ZBTB40: variants seen among roughly 807,000 people sequenced by gnomAD.
The protein encoded by ZBTB40 is zinc finger and BTB domain containing 40, also known as zinc finger and BTB domain-containing protein 40.
ZBTB40 carries 60 observed loss-of-function variants against 117.5 expected under a neutral mutation model. That is an observed-to-expected ratio of 0.51 (90% CI 0.41 to 0.63). The LOEUF (loss-of-function observed/expected upper bound fraction) is 0.63, where lower values mean the gene tolerates loss of function less well. ZBTB40 is among the 30% of genes least tolerant of loss of function. The pLI, the probability that ZBTB40 is intolerant of heterozygous loss-of-function variation, is 0.00. For synonymous variants in ZBTB40, 525 were observed against 577.1 expected (o/e 0.91, Z 1.29); for missense variants, 1,287 against 1,498.5 (o/e 0.86, Z 2.33).
chr1:22,439,570 AC>A (rs770900764), intron 1 of ZBTB40, among the ~76,000 whole-genome samples: 4 of 152,208 alleles, frequency 2.6e-5, no homozygotes, highest in Admixed American at 6.5e-5. Flanking sequence ...TTTTCCCAGC[AC>A]CATTTGCTGA....
chr1:22,432,320 A>C (rs982681132), intron 1 of ZBTB40, among the ~76,000 whole-genome samples: 1 of 152,114 alleles, frequency 6.6e-6, no homozygotes, highest in African/African-American at 2.4e-5. Context: ...CTGCATCTCA[A>C]CCTTGGGGTG....
chr1:22,450,640 A>G (rs1349729336), upstream of ZBTB40, among the ~76,000 whole-genome samples: 2 of 152,192 alleles, frequency 1.3e-5, no homozygotes, highest in Non-Finnish European at 2.9e-5. Context: ...TGCTATTTTG[A>G]ACAGAACCGT....
intron 1 of ZBTB40, among the ~76,000 whole-genome samples, chr1:22,455,689 T>C (rs934175631): frequency 2.6e-5 from 4 of 152,170 alleles, no homozygotes; most frequent in Non-Finnish European, 5.9e-5. Flanking sequence ...AGTATGAAAC[T>C]GCAAGAAGAG....
intron 14 of ZBTB40, 49 bp downstream of exon 14, chr1:22,520,324 C>G (rs1401339524): frequency 1.2e-5 from 18 of 1,500,476 alleles, no homozygotes; most frequent in Non-Finnish European, 1.7e-5. Flanking sequence ...CTGACCTACT[C>G]TCCATTTGAT....
chr1:22,484,056 C>A (rs1385452664), intron 1 of ZBTB40, among the ~76,000 whole-genome samples: 2 of 152,138 alleles, frequency 1.3e-5, no homozygotes, highest in Non-Finnish European at 2.9e-5. Context: ...GATGAATTGA[C>A]TATATTTGTG....
Position 22,513,154 on chromosome 1 carries a change from C to A in ZBTB40, c.2668+24C>A, listed in dbSNP as rs1466790132. On this transcript the variant is annotated intron_variant, in intron 12 of 17. Coordinates refer to ENST00000375647, the MANE Select transcript of ZBTB40 (RefSeq NM_014870.4). This position sits in a 1 kb window ranked among gnomAD's most constrained non-coding sequence, Gnocchi z 4.9. ...AGGTAAGGCGGGGCACAGTTCATTTCTCCTGCAGACTTTCACTGCGAACTG... is the reference window on the plus strand; with the variant it reads ...AGGTAAGGCGGGGCACAGTTCATTTATCCTGCAGACTTTCACTGCGAACTG... 1 of 1,609,080 alleles carries A rather than the reference C, an allele frequency of 6.2e-7. No individual in the cohort carries two copies. Among genetic ancestry groups the A allele is most frequent in the Non-Finnish European group, 8.5e-7 (1 of 1,177,500 alleles).
chr1:22,518,828 C>T (rs1639444329), intron 13 of ZBTB40, among the ~76,000 whole-genome samples: 1 of 152,162 alleles, frequency 6.6e-6, no homozygotes, highest in Non-Finnish European at 1.5e-5. Flanking sequence ...ATTTTGATGT[C>T]CTCTTGACCT....
chr1:22,461,803 G>A (rs1641140245), intron 1 of ZBTB40, among the ~76,000 whole-genome samples: 1 of 152,208 alleles, frequency 6.6e-6, no homozygotes, highest in Non-Finnish European at 1.5e-5. Flanking sequence ...CTCCTTGAGA[G>A]CAGGGATTAT....
intron 9 of ZBTB40, among the ~76,000 whole-genome samples, chr1:22,510,909 T>C (rs1639214505): frequency 6.6e-6 from 1 of 152,210 alleles, no homozygotes; most frequent in African/African-American, 2.4e-5. Flanking sequence ...CTATTTCTTA[T>C]AGAAAATGCT....
chr1:22,497,319 A>G (rs148219657), intron 3 of ZBTB40, among the ~76,000 whole-genome samples: 3 of 152,198 alleles, frequency 2.0e-5, no homozygotes, highest in African/African-American at 7.2e-5. Context: ...CTCTTCTCCT[A>G]TGTGAATCTG....
intron 1 of ZBTB40, among the ~76,000 whole-genome samples, chr1:22,488,697 T>C (rs1557501096): frequency 6.6e-6 from 1 of 152,214 alleles, no homozygotes; most frequent in East Asian, 1.9e-4. Context: ...CTTTGACTTT[T>C]ACTCTAAGAC....
At chr1:22,460,310 C>G (rs1162293980) in intron 1 of ZBTB40, among the ~76,000 whole-genome samples, 1 of 152,184 alleles carries the variant, frequency 6.6e-6, no homozygotes, top group African/African-American at 2.4e-5. Flanking sequence ...CATTGATTCA[C>G]TGGGTCATAG....
At chr1:22,507,910 G>A in intron 6 of ZBTB40, 91 bp from the exon 7 acceptor site, 1 of 1,593,580 alleles carries the variant, frequency 6.3e-7, no homozygotes, top group African/African-American at 1.3e-5. Context: ...TGTGCTGATT[G>A]CTCTCTTCCT....
At chr1:22,461,819 A>T (rs1293838774) in intron 1 of ZBTB40, among the ~76,000 whole-genome samples, 1 of 152,122 alleles carries the variant, frequency 6.6e-6, no homozygotes, top group Non-Finnish European at 1.5e-5. Context: ...ATTATGCTGA[A>T]TTTCTTCTCT....
chr1:22,432,907 A>G, intron 1 of ZBTB40, among the ~76,000 whole-genome samples: 1 of 152,224 alleles, frequency 6.6e-6, no homozygotes, highest in East Asian at 1.9e-4. Flanking sequence ...TTCATGCTAC[A>G]ATGGAAAAGC....
At chr1:22,510,119 G>A (rs1232452389) in intron 9 of ZBTB40, among the ~76,000 whole-genome samples, 3 of 152,226 alleles carry the variant, frequency 2.0e-5, no homozygotes, top group Non-Finnish European at 4.4e-5. Context: ...GGGACTGGGG[G>A]AACTCATGGG....
intron 6 of ZBTB40, among the ~76,000 whole-genome samples, 174 bp from the exon 7 acceptor site, chr1:22,507,827 G>C (rs1304595890): frequency 6.6e-6 from 1 of 152,254 alleles, no homozygotes; most frequent in Non-Finnish European, 1.5e-5. Context: ...AAGCGATTAA[G>C]TGTAGGCAGA....
intron 1 of ZBTB40, among the ~76,000 whole-genome samples, chr1:22,433,450 A>AAAAAAAAAAAAAAAAAAAAAAAAAAAAC: frequency 7.1e-6 from 1 of 140,784 alleles, no homozygotes; most frequent in South Asian, 2.3e-4. Context: ...AAAAAAAAAA[A>AAAAAAAAAAAAAAAAAAAAAAAAAAAAC]AAAAAAAGAC....
chr1:22,480,962 T>C (rs1291987715), intron 1 of ZBTB40, among the ~76,000 whole-genome samples: 1 of 152,164 alleles, frequency 6.6e-6, no homozygotes, highest in African/African-American at 2.4e-5. Flanking sequence ...CCCCACCTTC[T>C]ACCTGCCTGA....
Sources: gnomAD v4.1 joint callset for allele counts (sites outside exome capture counted in the v4.1 genomes callset) on GRCh38, gnomAD v4.1.1 for gene constraint, Gnocchi (gnomAD v3.1) non-coding constraint, MANE v1.5 for transcripts, NCBI Gene and HGNC (gene_info 2026-07-23, HGNC 2026-07-21) for gene names.